PGR: variants seen among roughly 807,000 people sequenced by gnomAD.
The protein encoded by PGR is progesterone receptor.
A neutral mutation model predicts 76.1 loss-of-function variants in PGR; 25 were observed. The ratio of observed to expected loss-of-function variants is 0.33; its 90% CI spans 0.24 to 0.46. The LOEUF is 0.46. Ranked by LOEUF, PGR falls within the 20% of genes least tolerant of loss-of-function variation. The pLI is 1.00. For missense variants in PGR, 1,172 were observed against 1,225.3 expected, an observed-to-expected ratio of 0.96 and a Z score of 0.65; for synonymous variants, 579 against 535.0, an observed-to-expected ratio of 1.08 and a Z score of -1.14.
At chr11:101,049,899 T>A (rs771628881) in intron 6 of PGR, 30 bp downstream of exon 6, 16 of 1,578,628 alleles carry the variant, frequency 1.0e-5, no homozygotes, top group Non-Finnish European at 1.4e-5. Flanking sequence ...AAACTAGATA[T>A]CTTGCATTAA....
At position 101,079,231 on chromosome 11, in the gene PGR, A is replaced by T. The variant is rs1174693149; in HGVS notation, c.1906+12529T>A. Among the ~76,000 whole-genome samples the T allele has an allele frequency of 3.3e-5, 5 of 152,182 alleles. No individual in the cohort carries two copies. In the East Asian group the frequency reaches 9.6e-4, roughly 29 times the overall value. On this transcript the variant is annotated intron_variant, in intron 3 of 7. Coordinates refer to ENST00000325455, the MANE Select transcript of PGR (RefSeq NM_000926.4). ...AAGACTTTTGGGTAAATATTTTTGT[A>T]GTAAGACCTCAAGGCATAGGCAATC...
chr11:101,128,091 T>A lies in PGR; in HGVS notation c.980A>T (p.Glu327Val). 1.3e-6 allele frequency: 2 copies of A among 1,599,934 alleles called. No homozygotes were observed. Among genetic ancestry groups the A allele is most frequent in the Non-Finnish European group, 1.7e-6 (2 of 1,179,648 alleles). The change falls in exon 1 of 8, where the codon GAA becomes GTA. Residue 327 changes from glutamate to valine, a missense_variant. By Grantham distance (121) the Glu-to-Val change is moderately radical (BLOSUM62 -2). This residue lies in a region of PGR where 893 missense variants were observed against 785.9 expected (regional missense o/e 1.14). Coordinates refer to ENST00000325455, the MANE Select transcript of PGR (RefSeq NM_000926.4). ...AARTRQLLED[E>V]SYDGGAGAAS... ...AGCCCCGGCCCCGCCGTCGTAACTT[T>A]CGTCTTCCAGCAGCTGCCGAGTGCG...
Position 101,128,559 on chromosome 11 carries a change from T to C in PGR, c.512A>G (p.Lys171Arg), listed in dbSNP as rs548349072. ...LSPLMSRSGCKVGDSSGTAAA... is the reference protein window; with the variant it reads ...LSPLMSRSGCRVGDSSGTAAA... ...TGCCGTCCCGGAGCTGTCTCCAACC[T>C]TGCACCCGGACCGGCTCATGAGCGG... Residue 171 changes from lysine to arginine, a missense_variant, in exon 1 of 8, where the codon AAG (lysine) becomes AGG (arginine). By Grantham distance (26) the Lys-to-Arg change is conservative. Around this residue, in one of 4 missense-constraint regions of PGR, gnomAD observed 893 missense variants for 785.9 expected, o/e 1.14. Coordinates refer to ENST00000325455, the MANE Select transcript of PGR (RefSeq NM_000926.4). 1.9e-6 allele frequency: 3 copies of C among 1,599,076 alleles called. No homozygotes were observed. Among genetic ancestry groups the C allele is most frequent in the South Asian group, 1.1e-5 (1 of 89,562 alleles).
intron 6 of PGR, among the ~76,000 whole-genome samples, chr11:101,042,453 C>A (rs1275717268): frequency 1.3e-5 from 2 of 152,080 alleles, no homozygotes. Flanking sequence ...TAGTTTACAG[C>A]TGCATGTAAT....
intron 3 of PGR, among the ~76,000 whole-genome samples, chr11:101,073,275 A>G (rs988731948): frequency 3.3e-5 from 5 of 152,210 alleles, no homozygotes; most frequent in Non-Finnish European, 5.9e-5. Flanking sequence ...TTTGAAACCA[A>G]TGAGAACAAA....
chr11:101,092,397 G>C (rs1283266829), intron 2 of PGR, among the ~76,000 whole-genome samples: 1 of 152,160 alleles, frequency 6.6e-6, no homozygotes, highest in Non-Finnish European at 1.5e-5. Flanking sequence ...GGAATCAATG[G>C]AAGAGCATGT....
At chr11:101,070,345 C>T (rs1860884232) in intron 3 of PGR, among the ~76,000 whole-genome samples, 1 of 152,144 alleles carries the variant, frequency 6.6e-6, no homozygotes, top group African/African-American at 2.4e-5. Flanking sequence ...AGGAGATTCC[C>T]TTGGGTGCCT....
Position 101,034,248 on chromosome 11 carries a change from GA to G in PGR, c.*4867del. 4.6e-6 allele frequency: 1 copy of G among 216,898 alleles called. No individual in the cohort carries two copies. The highest frequency in any genetic ancestry group is 9.3e-6 in the Non-Finnish European group (1 of 107,730). The allele number at this position is 216,898 out of a possible 1,614,324, so 13.4% of individuals were successfully genotyped here. ...ATACAGCAACAAGAGCCAGTAAATCGAAAATGAGGCTGACATTCTGGGACTA... is the reference window on the plus strand; with the variant it reads ...ATACAGCAACAAGAGCCAGTAAATCGAAATGAGGCTGACATTCTGGGACTA... On this transcript the variant is annotated 3_prime_UTR_variant, in exon 8 of 8. Transcript: ENST00000325455.
chr11:101,043,457 T>A (rs1859761999), intron 6 of PGR, among the ~76,000 whole-genome samples: 1 of 152,152 alleles, frequency 6.6e-6, no homozygotes, highest in African/African-American at 2.4e-5. Context: ...GCAAGAGGGA[T>A]GAAATAAACT....
intron 2 of PGR, among the ~76,000 whole-genome samples, chr11:101,096,324 A>G (rs578938): frequency 0.3 from 44,989 of 152,094 alleles, 6,852 homozygotes; most frequent in Non-Finnish European, 0.31. Flanking sequence ...CATCTTTAAC[A>G]TTAAGTGATG....
Position 101,032,264 on chromosome 11 carries a change from C to A in PGR, c.*6852G>T, listed in dbSNP as rs553612141. 8.6e-6 allele frequency: 2 copies of A among 232,800 alleles called. No individual in the cohort carries two copies. Among genetic ancestry groups the A allele is most frequent in the South Asian group, 3.6e-4 (2 of 5,504 alleles). 14.4% of individuals were successfully genotyped at this position (232,800 alleles called of 1,614,324 possible). A position where few individuals can be genotyped will look rare whatever the true frequency, so the allele number is the denominator to read the frequency against. ...ACCTACAATTCTTCATGTTTATGAT[C>A]ATCATTTTCACCAAAATAGTGCAAC... On this transcript the variant is annotated 3_prime_UTR_variant, in exon 8 of 8. Coordinates refer to ENST00000325455, the MANE Select transcript of PGR (RefSeq NM_000926.4).
At chr11:101,117,155 C>G (rs1006929708) in intron 2 of PGR, among the ~76,000 whole-genome samples, 2 of 152,128 alleles carry the variant, frequency 1.3e-5, no homozygotes, top group African/African-American at 4.8e-5. Flanking sequence ...TTTTAATTGA[C>G]AATACCAAAC....
chr11:101,059,046 A>G (rs1429932254), intron 4 of PGR, among the ~76,000 whole-genome samples: 2 of 152,090 alleles, frequency 1.3e-5, no homozygotes, highest in Non-Finnish European at 2.9e-5. Context: ...CACACTTGAA[A>G]AGGTTGAGAA....
At position 101,038,085 on chromosome 11, in the gene PGR, T is replaced by G. The variant is rs1244686120; in HGVS notation, c.*1031A>C. On this transcript the variant is annotated 3_prime_UTR_variant, in exon 8 of 8. Transcript: ENST00000325455. ...GGGGAAAATTCTGGAAGAAATTTCA[T>G]GGTAAAAAGATTTGCATGGCTGAAA... The G allele has an allele frequency of 5.0e-6, 1 of 199,374 alleles. No individual in the cohort carries two copies. The highest frequency in any genetic ancestry group is 1.0e-5 in the Non-Finnish European group (1 of 96,454). 12.4% of individuals were successfully genotyped at this position (199,374 alleles called of 1,614,324 possible).
chr11:101,099,008 A>C (rs2135467283), intron 2 of PGR, among the ~76,000 whole-genome samples: 1 of 152,342 alleles, frequency 6.6e-6, no homozygotes, highest in East Asian at 1.9e-4. Flanking sequence ...CAAGGAACAA[A>C]GACTGGTACA....
At chr11:101,104,119 G>T (rs1187942733) in intron 2 of PGR, among the ~76,000 whole-genome samples, 1 of 152,170 alleles carries the variant, frequency 6.6e-6, no homozygotes, top group African/African-American at 2.4e-5. Context: ...ATTGTTCTAG[G>T]TGCTGGTGAC....
Position 101,051,409 on chromosome 11 carries a change from A to G in PGR, c.2357+15T>C, listed in dbSNP as rs775747684. On this transcript the variant is annotated intron_variant, in intron 5 of 7. Transcript: ENST00000325455. ...TACACTTAAAATAACAAAAACAACA[A>G]AAGTTACTACTTACTCATTTAGTAT... The G allele has an allele frequency of 3.8e-6, 6 of 1,575,618 alleles. No individual in the cohort carries two copies. The Admixed American group carries it at 5.0e-5, about 13-fold the overall frequency.
chr11:101,056,461 A>G (rs540429315), intron 4 of PGR, among the ~76,000 whole-genome samples: 1 of 152,098 alleles, frequency 6.6e-6, no homozygotes, highest in South Asian at 2.1e-4. Context: ...CCCAGTCTCT[A>G]CAAACCAATT....
Position 101,128,706 on chromosome 11 carries a change from G to C in PGR, c.365C>G (p.Ser122Ter). Residue 122 changes from serine (S) to a stop codon, truncating the protein, a stop_gained, in exon 1 of 8, where the codon TCA (serine) becomes TGA (stop). Coordinates refer to ENST00000325455, the MANE Select transcript of PGR (RefSeq NM_000926.4). LOFTEE classifies it high-confidence loss of function. Reference protein sequence around the residue: ...DSVLDTLLAPSGPGQSQPSPP... With the variant: ...DSVLDTLLAP The stretch of plus-strand genomic sequence containing the variant: ...GCTGGGTTGGCTCTGCCCGGGACCT[G>C]AGGGCGCCAACAGAGTGTCCAAGAC... 6.2e-7 allele frequency: 1 copy of C among 1,608,448 alleles called. No individual in the cohort carries two copies. Among genetic ancestry groups the C allele is most frequent in the Non-Finnish European group, 8.5e-7 (1 of 1,178,108 alleles).
Sources: gnomAD v4.1 joint callset for allele counts (sites outside exome capture counted in the v4.1 genomes callset) on GRCh38, gnomAD v4.1.1 for gene constraint, gnomAD v4.1.1 regional missense constraint, MANE v1.5 for transcripts, NCBI Gene and HGNC (gene_info 2026-07-23, HGNC 2026-07-21) for gene names.